Variants in C12orf42 observed in about 807,000 individuals in gnomAD.
The protein encoded by C12orf42 is chromosome 12 open reading frame 42.
A neutral mutation model predicts 21.6 loss-of-function variants in C12orf42; 25 were observed. The observed-to-expected ratio is 1.16, with a 90% CI of 0.84 to 1.62. The LOEUF (loss-of-function observed/expected upper bound fraction) is 1.62. Ranked by LOEUF, C12orf42 falls within the 40% of genes most tolerant of loss-of-function variation. The probability of loss-of-function intolerance (pLI) is 0.00; values close to 1 mark genes in which losing one functional copy is unlikely to be tolerated. For missense variants in C12orf42, 483 were observed against 459.3 expected (o/e 1.05, Z -0.47); for synonymous variants, 174 against 175.0 (o/e 0.99, Z 0.05).
At chr12:103,444,366 T>A (rs1389299177) in intron 2 of C12orf42, among the ~76,000 whole-genome samples, 1 of 152,124 alleles carries the variant, frequency 6.6e-6, no homozygotes, top group Non-Finnish European at 1.5e-5. Flanking sequence ...TAAATAAAAA[T>A]TTAAAGTAAA....
At chr12:103,221,590 T>C in the C12orf42 span, among the ~76,000 whole-genome samples, 1 of 152,208 alleles carries the variant, frequency 6.6e-6, no homozygotes, top group Non-Finnish European at 1.5e-5. Context: ...TACTGTGTTG[T>C]TTCTTATTAA....
chr12:103,501,292 G>C, the C12orf42 span, among the ~76,000 whole-genome samples: 4 of 152,212 alleles, frequency 2.6e-5, no homozygotes, highest in Non-Finnish European at 5.9e-5. Flanking sequence ...CAAAAAAAGG[G>C]GGGATAATTG....
intron 2 of C12orf42, among the ~76,000 whole-genome samples, chr12:103,414,993 G>C (rs1439381643): frequency 6.6e-6 from 1 of 152,000 alleles, no homozygotes; most frequent in Non-Finnish European, 1.5e-5. Context: ...AAAAGATAAG[G>C]CTCAACCATC....
chr12:103,255,806 C>T (rs942046930), intron 10 of C12orf42, among the ~76,000 whole-genome samples: 2 of 151,288 alleles, frequency 1.3e-5, no homozygotes, highest in Non-Finnish European at 2.9e-5. Flanking sequence ...AATCCCAGCA[C>T]TTTGGGAGGC....
downstream of C12orf42, among the ~76,000 whole-genome samples, chr12:103,236,198 C>T (rs150190411): frequency 1.1e-4 from 17 of 152,164 alleles, no homozygotes; most frequent in East Asian, 3.1e-3. Flanking sequence ...TATTCTAAGT[C>T]GACAACAAGT....
chr12:103,235,886 A>G (rs2033452640), downstream of C12orf42, among the ~76,000 whole-genome samples: 1 of 152,164 alleles, frequency 6.6e-6, no homozygotes, highest in Non-Finnish European at 1.5e-5. Context: ...TGCACTAACT[A>G]TGGAATAACT....
intron 4 of C12orf42, among the ~76,000 whole-genome samples, chr12:103,308,560 G>A (rs1943344523): frequency 6.6e-6 from 1 of 152,200 alleles, no homozygotes; most frequent in Admixed American, 6.5e-5. Context: ...CATTCATGGA[G>A]GGAGCAGAAT....
the C12orf42 span, among the ~76,000 whole-genome samples, chr12:103,114,032 A>C: frequency 6.6e-6 from 1 of 152,274 alleles, no homozygotes; most frequent in Non-Finnish European, 1.5e-5. Flanking sequence ...ATTTACTTTC[A>C]TGGGGGCGTT....
the C12orf42 span, among the ~76,000 whole-genome samples, chr12:103,204,829 G>T: frequency 2.0e-5 from 3 of 151,478 alleles, no homozygotes; most frequent in Non-Finnish European, 2.9e-5. Context: ...AGATGAAAAG[G>T]CAGCCATAAA....
chr12:103,337,842 C>T (rs1388109235), intron 4 of C12orf42, among the ~76,000 whole-genome samples: 3 of 152,192 alleles, frequency 2.0e-5, no homozygotes, highest in Non-Finnish European at 4.4e-5. Context: ...CAACTCTCTA[C>T]TCTCTGTCTC....
the C12orf42 span, among the ~76,000 whole-genome samples, chr12:103,154,760 G>C: frequency 6.6e-6 from 1 of 152,026 alleles, no homozygotes; most frequent in South Asian, 2.1e-4. Context: ...TTTTCCATAA[G>C]ACAGAAACAT....
downstream of C12orf42, among the ~76,000 whole-genome samples, chr12:103,234,532 C>A (rs1161257692): frequency 6.6e-6 from 1 of 152,148 alleles, no homozygotes; most frequent in Non-Finnish European, 1.5e-5. Context: ...TCCATTGGTA[C>A]ACAGCAGATC....
chr12:103,234,823 G>T (rs2136150034), downstream of C12orf42, among the ~76,000 whole-genome samples: 1 of 152,128 alleles, frequency 6.6e-6, no homozygotes, highest in East Asian at 1.9e-4. Flanking sequence ...TTATTGCTCA[G>T]TTATGAATTG....
the C12orf42 span, among the ~76,000 whole-genome samples, chr12:103,061,474 T>C: frequency 9.2e-5 from 14 of 152,132 alleles, no homozygotes; most frequent in African/African-American, 3.4e-4. Flanking sequence ...AAATAAAGTA[T>C]GTTAGTATCC....
At chr12:103,220,588 G>A in the C12orf42 span, among the ~76,000 whole-genome samples, 1 of 152,242 alleles carries the variant, frequency 6.6e-6, no homozygotes, top group South Asian at 2.1e-4. Context: ...GTGTCAAAAT[G>A]CCAGTTATCC....
intron 4 of C12orf42, among the ~76,000 whole-genome samples, chr12:103,359,131 A>G (rs1162814264): frequency 6.6e-6 from 1 of 152,032 alleles, no homozygotes; most frequent in Non-Finnish European, 1.5e-5. Flanking sequence ...CCTGACCTCC[A>G]TATCTTAAAT....
chr12:103,358,228 T>A (rs1156959221), intron 4 of C12orf42, among the ~76,000 whole-genome samples: 1 of 152,090 alleles, frequency 6.6e-6, no homozygotes, highest in Non-Finnish European at 1.5e-5. Flanking sequence ...CAAGCTGAGA[T>A]CCAAAGGATA....
chr12:103,510,187 C>A, the C12orf42 span, among the ~76,000 whole-genome samples: 11 of 152,138 alleles, frequency 7.2e-5, no homozygotes, highest in Non-Finnish European at 1.5e-4. Context: ...TAAAAAGGAA[C>A]AAATTAATGG....
the C12orf42 span, among the ~76,000 whole-genome samples, chr12:103,183,175 A>G: frequency 6.6e-6 from 1 of 152,222 alleles, no homozygotes; most frequent in Non-Finnish European, 1.5e-5. Flanking sequence ...TCTGCCACCC[A>G]GGTTCAACAG....
Sources: allele counts gnomAD v4.1 joint callset (sites outside exome capture counted in the v4.1 genomes callset), GRCh38; gene constraint gnomAD v4.1.1; transcripts MANE v1.5; gene names NCBI Gene and HGNC (gene_info 2026-07-23, HGNC 2026-07-21).